The following RANBP17 variants were observed in gnomAD, a reference collection of about 807,000 sequenced individuals.
The protein encoded by RANBP17 is RAN binding protein 17, also known as ran-binding protein 17.
RANBP17 carries 158 observed loss-of-function variants against 141.2 expected under a neutral mutation model. That is an observed-to-expected ratio of 1.12 (90% CI 0.98 to 1.28). The LOEUF (loss-of-function observed/expected upper bound fraction) is 1.28. Ranked by LOEUF, RANBP17 falls within the 50% of genes most tolerant of loss-of-function variation. RANBP17 has a pLI of 0.00. For synonymous variants in RANBP17, 430 were observed against 450.0 expected, an observed-to-expected ratio of 0.96 and a Z score of 0.56; for missense variants, 1,438 against 1,290.7, an observed-to-expected ratio of 1.11 and a Z score of -1.75.
Position 170,953,642 on chromosome 5 carries a change from G to A in RANBP17, c.1514G>A (p.Gly505Glu), listed in dbSNP as rs781728135. 1.9e-6 allele frequency: 3 copies of A among 1,612,346 alleles called. No individual in the cohort carries two copies. The highest frequency in any genetic ancestry group is 2.5e-6 in the Non-Finnish European group (3 of 1,178,606). ...TACTTAGTTGGGACAGTTGTAGGAG[G>A]AAGATTAACATATACCAGTACAGAT... ...LVYLVGTVVG[G>E]RLTYTSTDEH... The change falls in exon 13 of 28, where the codon GGA becomes GAA. Residue 505 changes from glycine to glutamate, a missense_variant. Gly to Glu is a moderately conservative substitution (Grantham distance 98, BLOSUM62 -2). Coordinates refer to ENST00000523189, the MANE Select transcript of RANBP17 (RefSeq NM_022897.5).
chr5:171,006,850 G>A (rs571231286), intron 14 of RANBP17, among the ~76,000 whole-genome samples: 25 of 151,948 alleles, frequency 1.6e-4, no homozygotes, highest in African/African-American at 3.1e-4. Context: ...CTGGGTTTTC[G>A]TCTTTACGTT....
intron 14 of RANBP17, among the ~76,000 whole-genome samples, chr5:171,039,239 T>C (rs1454537988): frequency 8.8e-6 from 1 of 113,578 alleles, no homozygotes; most frequent in African/African-American, 2.9e-5. Flanking sequence ...CTAGCTTCTG[T>C]TGTTGGTTTT....
At chr5:170,942,651 C>T (rs1774421422) in intron 12 of RANBP17, among the ~76,000 whole-genome samples, 1 of 152,100 alleles carries the variant, frequency 6.6e-6, no homozygotes, top group Admixed American at 6.5e-5. Flanking sequence ...GGTAAGGGGA[C>T]AAGCTCGGGA....
chr5:171,014,920 A>G (rs1189272406), intron 14 of RANBP17, among the ~76,000 whole-genome samples: 2 of 152,096 alleles, frequency 1.3e-5, no homozygotes, highest in South Asian at 2.1e-4. Flanking sequence ...GAAGATGTTA[A>G]CAATGGTATA....
In RANBP17 at chr5:171,299,498, G is replaced by T. The variant is rs1769014998; in HGVS notation, c.*640G>T. On this transcript the variant is annotated 3_prime_UTR_variant, in exon 28 of 28. Coordinates refer to ENST00000523189, the MANE Select transcript of RANBP17 (RefSeq NM_022897.5). ...ACTGGCATAAATCTGAAGTGGTTCA[G>T]TCTAGAAGAATTAAGCTGTGCAATT... The T allele has an allele frequency of 8.6e-6, 2 of 231,930 alleles. No individual in the cohort carries two copies. Among genetic ancestry groups the T allele is most frequent in the African/African-American group, 4.4e-5 (2 of 45,256 alleles). 14.4% of individuals were successfully genotyped at this position (231,930 alleles called of 1,614,324 possible).
intron 24 of RANBP17, among the ~76,000 whole-genome samples, chr5:171,262,965 G>C (rs901015755): frequency 2.0e-5 from 3 of 152,030 alleles, no homozygotes; most frequent in Non-Finnish European, 4.4e-5. Flanking sequence ...CCCTCTTTCT[G>C]TTTTCCATGA....
chr5:171,284,137 G>A (rs1364141063), intron 25 of RANBP17, among the ~76,000 whole-genome samples: 1 of 151,898 alleles, frequency 6.6e-6, no homozygotes, highest in Non-Finnish European at 1.5e-5. Flanking sequence ...TACTATAAAC[G>A]TGTGCTTGTA....
intron 21 of RANBP17, among the ~76,000 whole-genome samples, chr5:171,215,985 C>G (rs1763191678): frequency 6.6e-6 from 1 of 152,112 alleles, no homozygotes; most frequent in Non-Finnish European, 1.5e-5. Flanking sequence ...TTGCCCATGC[C>G]TATGTCCTGA....
chr5:171,162,618 A>G (rs1759432673), intron 14 of RANBP17, among the ~76,000 whole-genome samples: 1 of 152,088 alleles, frequency 6.6e-6, no homozygotes. Context: ...TTAGAAACTG[A>G]CTCAGAAATA....
intron 5 of RANBP17, among the ~76,000 whole-genome samples, chr5:170,905,042 T>C (rs1770965983): frequency 6.6e-6 from 1 of 152,196 alleles, no homozygotes; most frequent in Non-Finnish European, 1.5e-5. Flanking sequence ...ATAATTGCTT[T>C]CTTATCAAAC....
chr5:171,172,836 T>C (rs1289462624), intron 16 of RANBP17, among the ~76,000 whole-genome samples: 3 of 151,868 alleles, frequency 2.0e-5, no homozygotes, highest in Admixed American at 6.6e-5. Context: ...TTCTATCCTA[T>C]TAAGCCTATT....
chr5:170,928,992 G>A (rs1187500758), intron 12 of RANBP17, among the ~76,000 whole-genome samples: 3 of 151,904 alleles, frequency 2.0e-5, no homozygotes, highest in Middle Eastern at 3.2e-3. Flanking sequence ...TACAGTTAGT[G>A]AAATTGTTCA....
In RANBP17 at chr5:171,299,492, G is replaced by A. The variant is rs1769014855; in HGVS notation, c.*634G>A. On this transcript the variant is annotated 3_prime_UTR_variant, in exon 28 of 28. Coordinates refer to ENST00000523189, the MANE Select transcript of RANBP17 (RefSeq NM_022897.5). ...CTTTTCACTGGCATAAATCTGAAGT[G>A]GTTCAGTCTAGAAGAATTAAGCTGT... is the stretch of plus-strand genomic sequence containing the variant. 4.3e-6 allele frequency: 1 copy of A among 231,634 alleles called. No individual in the cohort carries two copies. The highest frequency in any genetic ancestry group is 2.2e-5 in the African/African-American group (1 of 45,228). 14.3% of individuals were successfully genotyped at this position (231,634 alleles called of 1,614,324 possible).
At chr5:170,985,425 T>C (rs1226117704) in intron 14 of RANBP17, among the ~76,000 whole-genome samples, 1 of 152,212 alleles carries the variant, frequency 6.6e-6, no homozygotes, top group Non-Finnish European at 1.5e-5. Flanking sequence ...AATTCTGTCC[T>C]CCCAAAACAG....
At chr5:170,890,865 T>TCAAAAACAA (rs1769537028) in intron 3 of RANBP17, among the ~76,000 whole-genome samples, 1 of 152,210 alleles carries the variant, frequency 6.6e-6, no homozygotes, top group Non-Finnish European at 1.5e-5. Context: ...TATCATATTA[T>TCAAAAACAA]ACTGTTTATG....
At chr5:171,006,821 A>T (rs1779658263) in intron 14 of RANBP17, among the ~76,000 whole-genome samples, 1 of 151,646 alleles carries the variant, frequency 6.6e-6, no homozygotes, top group East Asian at 1.9e-4. Context: ...GGTTGCTGCT[A>T]AGCGGGCCAT....
Position 170,975,083 on chromosome 5 carries a change from C to G in RANBP17, c.1710+6706C>G, listed in dbSNP as rs1328766429. ...TTGTGTTCTCTCCTGAACATACTTTCTCATTTTTCACAATATGGAAAGGCT... is the reference window on the plus strand; with the variant it reads ...TTGTGTTCTCTCCTGAACATACTTTGTCATTTTTCACAATATGGAAAGGCT... On this transcript the variant is annotated intron_variant, in intron 14 of 27. Coordinates refer to ENST00000523189, the MANE Select transcript of RANBP17 (RefSeq NM_022897.5). Among the ~76,000 whole-genome samples, 6 of 152,306 alleles carry G rather than the reference C, an allele frequency of 3.9e-5. No homozygotes were observed. The East Asian group carries it at 1.2e-3, about 29-fold the overall frequency.
intron 14 of RANBP17, among the ~76,000 whole-genome samples, chr5:171,099,039 G>T (rs1268290230): frequency 6.6e-6 from 1 of 152,128 alleles, no homozygotes; most frequent in Admixed American, 6.5e-5. Context: ...TTTGAAGTCA[G>T]GTAGCATGAT....
chr5:171,062,603 C>G (rs1276667283), intron 14 of RANBP17, among the ~76,000 whole-genome samples: 1 of 152,150 alleles, frequency 6.6e-6, no homozygotes, highest in Non-Finnish European at 1.5e-5. Flanking sequence ...TTTTTTCCTT[C>G]ATTTCAACTT....
Sources: allele counts gnomAD v4.1 joint callset (sites outside exome capture counted in the v4.1 genomes callset), GRCh38; gene constraint gnomAD v4.1.1; transcripts MANE v1.5; gene names NCBI Gene and HGNC (gene_info 2026-07-23, HGNC 2026-07-21).